Variants in TSBP1 observed in about 807,000 individuals in gnomAD.
The protein encoded by TSBP1 is testis-expressed basic protein 1.
TSBP1 carries 56 observed loss-of-function variants against 68.8 expected under a neutral mutation model. That is an observed-to-expected ratio of 0.81 (90% confidence interval 0.66 to 1.02). The LOEUF (loss-of-function observed/expected upper bound fraction) is 1.02. TSBP1 is among the 50% of genes least tolerant of loss of function. The pLI is 0.00. For synonymous variants in TSBP1, 171 were observed against 208.7 expected (o/e 0.82, Z 1.56); for missense variants, 502 against 641.2 (o/e 0.78, Z 2.34).
chr6:32,323,953 C>T, intron 16 of TSBP1: 4 of 304,922 alleles, frequency 1.3e-5, no homozygotes, highest in Non-Finnish European at 1.8e-5. Flanking sequence ...TGCAACTAGA[C>T]CAGAAACAAT....
intron 16 of TSBP1, among the ~76,000 whole-genome samples, 181 bp downstream of exon 17, chr6:32,330,408 T>A (rs550106518): frequency 2.5e-4 from 38 of 151,606 alleles, no homozygotes; most frequent in Admixed American, 5.9e-4. Context: ...CTTTTTCTTT[T>A]AAAAAAAATA....
intron 6 of TSBP1, among the ~76,000 whole-genome samples, chr6:32,360,817 T>G (rs2127649156): frequency 6.6e-6 from 1 of 152,218 alleles, no homozygotes; most frequent in African/African-American, 2.4e-5. Context: ...AAGTCTTCTC[T>G]GAAAAAATGT....
chr6:32,292,900 CAATGGCTGGG>C lies in TSBP1; in HGVS notation c.*71_*80del, dbSNP rs1764291578. 2.5e-6 allele frequency: 2 copies of C among 812,758 alleles called. No homozygotes were observed. Among genetic ancestry groups the C allele is most frequent in the East Asian group, 4.9e-5 (2 of 40,940 alleles). 50.3% of individuals were successfully genotyped at this position (812,758 alleles called of 1,614,324 possible). A position where few individuals can be genotyped will look rare whatever the true frequency, so the allele number is the denominator to read the frequency against. On this transcript the variant is annotated 3_prime_UTR_variant, in exon 23 of 23. Coordinates refer to ENST00000612031, the Ensembl canonical transcript of TSBP1. The surrounding 1 kb of genome is among the most constrained non-coding windows in gnomAD (Gnocchi z 4.1). ...ATTTTATAATTGTAATCTGTTTAGG[CAATGGCTGGG>C]ATATGGTTTGTATCTGGAGTATGGG...
At position 32,365,390 on chromosome 6, in the gene TSBP1, A is replaced by G. The variant is rs1401711243; in HGVS notation, c.217+777T>C. 1 of 457,292 alleles carries G rather than the reference A, an allele frequency of 2.2e-6. No homozygotes were observed. The highest frequency in any genetic ancestry group is 6.9e-5 in the East Asian group (1 of 14,390). 28.3% of individuals were successfully genotyped at this position (457,292 alleles called of 1,614,324 possible). ...GGTGGCTCATTTGGGGACTCAGCCTAGATGGGAGAGTGAAATGTGTGAAAG... is the reference window on the plus strand; with the variant it reads ...GGTGGCTCATTTGGGGACTCAGCCTGGATGGGAGAGTGAAATGTGTGAAAG... On this transcript the variant is annotated intron_variant, in intron 6 of 22. Coordinates refer to ENST00000612031, the Ensembl canonical transcript of TSBP1. This position sits in a 1 kb window ranked among gnomAD's most constrained non-coding sequence, Gnocchi z 4.3.
chr6:32,371,483 A>G (rs1391035144), intron 1 of TSBP1, among the ~76,000 whole-genome samples: 2 of 152,240 alleles, frequency 1.3e-5, no homozygotes, highest in Non-Finnish European at 2.9e-5. Flanking sequence ...CCAAAGGAGA[A>G]ACCAGCACTA....
In TSBP1 at chr6:32,333,017, G is replaced by GT. The variant is rs1188503299; in HGVS notation, c.473-964dup. Among the ~76,000 whole-genome samples the GT allele has an allele frequency of 1.2e-4, 17 of 143,662 alleles. No homozygotes were observed. The highest frequency in any genetic ancestry group is 3.7e-3 in the Middle Eastern group (1 of 272). The allele number at this position is 143,662 out of a possible 152,430, so 94.2% of individuals were successfully genotyped here. On this transcript the variant is annotated intron_variant, in intron 14 of 22. Transcript: ENST00000612031. The surrounding 1 kb of genome is among the most constrained non-coding windows in gnomAD (Gnocchi z 4.2). The stretch of plus-strand genomic sequence containing the variant: ...AGCCTGTTATGTTTTTTTTGTTGTT[G>GT]TTTTTTTTTTAGACAGAGTCTTACT...
chr6:32,318,334 A>G (rs1208877199), intron 18 of TSBP1, among the ~76,000 whole-genome samples: 1 of 152,188 alleles, frequency 6.6e-6, no homozygotes, highest in Non-Finnish European at 1.5e-5. Context: ...GTCAGGAAAA[A>G]TAACTAAGGG....
At chr6:32,368,837 GT>G (rs1217296339) in intron 2 of TSBP1, 23 bp from the exon 3 acceptor site, 3 of 1,583,374 alleles carry the variant, frequency 1.9e-6, no homozygotes, top group Admixed American at 3.4e-5. Flanking sequence ...TAGGCAAAAT[GT>G]TTTTATTAGT....
chr6:32,293,383 C>A (rs776324872), exon 23 of TSBP1: 3 of 1,612,796 alleles, frequency 1.9e-6, no homozygotes, highest in Non-Finnish European at 2.5e-6. Flanking sequence ...CTGCCTCAGT[C>A]TTCTCTACTT....
intron 1 of TSBP1, among the ~76,000 whole-genome samples, chr6:32,371,050 T>C (rs1483882958): frequency 6.6e-6 from 1 of 152,190 alleles, no homozygotes; most frequent in East Asian, 1.9e-4. Context: ...GATTAGGCAT[T>C]TGTCTACTGA....
chr6:32,308,829 A>G (rs771168771), intron 19 of TSBP1, among the ~76,000 whole-genome samples: 5 of 152,064 alleles, frequency 3.3e-5, no homozygotes, highest in Non-Finnish European at 5.9e-5. Context: ...CCTTTTGTCA[A>G]ATTATCTTAG....
chr6:32,315,523 C>T lies in TSBP1; in HGVS notation c.580+249G>A, dbSNP rs1195650024. ...GTTGCAGTGAGCCTAGATCACGCCA[C>T]TGCACTCCAGCCTGTGTGACAGAGT... On this transcript the variant is annotated intron_variant, in intron 19 of 22. Transcript: ENST00000612031. This position sits in a 1 kb window ranked among gnomAD's most constrained non-coding sequence, Gnocchi z 5.4. Among the ~76,000 whole-genome samples, 2 of 152,160 alleles carry T rather than the reference C, an allele frequency of 1.3e-5. No individual in the cohort carries two copies. Among genetic ancestry groups the T allele is most frequent in the African/African-American group, 4.8e-5 (2 of 41,422 alleles).
At chr6:32,299,849 T>C (rs1014639778) in intron 22 of TSBP1, 73 bp downstream of exon 25, 28 of 1,255,906 alleles carry the variant, frequency 2.2e-5, no homozygotes, top group Middle Eastern at 3.7e-4. Flanking sequence ...ATTTTGGGAG[T>C]AGAAACAGAC....
At chr6:32,295,350 A>ACACACAC (rs1491234107) in intron 22 of TSBP1, among the ~76,000 whole-genome samples, 1 of 55,272 alleles carries the variant, frequency 1.8e-5, no homozygotes, top group Non-Finnish European at 3.4e-5. Context: ...ACACACACAC[A>ACACACAC]AAAAAAAAAA....
At chr6:32,310,762 T>TATATATATATA (rs1554188790) in intron 19 of TSBP1, among the ~76,000 whole-genome samples, 10 of 95,490 alleles carry the variant, frequency 1.0e-4, no homozygotes, top group African/African-American at 3.4e-4. Context: ...TATATATATA[T>TATATATATATA]TTTTAATCTT....
Position 32,369,969 on chromosome 6 carries a change from C to T in TSBP1, c.28G>A (p.Val10Ile), listed in dbSNP as rs752298332. The change falls in exon 2 of 23, where the codon GTC becomes ATC. Residue 10 changes from valine (V) to isoleucine (I), a missense_variant. Coordinates refer to ENST00000612031, the Ensembl canonical transcript of TSBP1. Reference sequence around the variant, plus strand: ...GCAAGTCCCAGTAGAGTCAGGATGACAGCCAAAGTTATTTCTGAAAACAAA... The same window carrying T: ...GCAAGTCCCAGTAGAGTCAGGATGATAGCCAAAGTTATTTCTGAAAACAAA... The T allele has an allele frequency of 5.0e-6, 8 of 1,611,652 alleles. No homozygotes were observed. The East Asian group carries it at 1.8e-4, about 36-fold the overall frequency.
intron 19 of TSBP1, among the ~76,000 whole-genome samples, chr6:32,310,522 T>C (rs1437095837): frequency 6.6e-6 from 1 of 151,682 alleles, no homozygotes; most frequent in Non-Finnish European, 1.5e-5. Flanking sequence ...ATATTTTCCA[T>C]GTACTATTTT....
chr6:32,303,897 A>T (rs3864299), intron 19 of TSBP1, among the ~76,000 whole-genome samples: 32,024 of 152,006 alleles, frequency 0.21, 3,560 homozygotes, highest in East Asian at 0.22. Context: ...TACATCTTCT[A>T]GTTTTTATTA....
In TSBP1 at chr6:32,336,274, C is replaced by A. The variant is rs1454275690; in HGVS notation, c.430+341G>T. ...GACATGGTTTATTTGAAAGGTGTAC[C>A]TTCCCTTGCTGATGGATCATTATGA... is the stretch of plus-strand genomic sequence containing the variant. On this transcript the variant is annotated intron_variant, in intron 12 of 22. Coordinates refer to ENST00000612031, the Ensembl canonical transcript of TSBP1. This position sits in a 1 kb window ranked among gnomAD's most constrained non-coding sequence, Gnocchi z 5.2. Among the ~76,000 whole-genome samples the A allele has an allele frequency of 6.6e-6, 1 of 152,158 alleles. No homozygotes were observed. Among genetic ancestry groups the A allele is most frequent in the East Asian group, 1.9e-4 (1 of 5,198 alleles).
Sources: gnomAD v4.1 joint callset for allele counts (sites outside exome capture counted in the v4.1 genomes callset) on GRCh38, gnomAD v4.1.1 for gene constraint, Gnocchi (gnomAD v3.1) non-coding constraint, MANE v1.5 for transcripts, NCBI Gene and HGNC (gene_info 2026-07-23, HGNC 2026-07-21) for gene names.